Variants in OR5H1 observed in about 807,000 individuals in gnomAD.
OR5H1 encodes the protein olfactory receptor family 5 subfamily H member 1.
For missense variants in OR5H1, 378 were observed against 366.8 expected, an observed-to-expected ratio of 1.03 and a Z score of -0.25; for synonymous variants, 124 against 134.4, an observed-to-expected ratio of 0.92 and a Z score of 0.54.
chr3:98,132,712 T>C lies in OR5H1; in HGVS notation c.15T>C (p.Asn5=), dbSNP rs763388015. 1 of 1,612,662 alleles carries C rather than the reference T, an allele frequency of 6.2e-7. No homozygotes were observed. The highest frequency in any genetic ancestry group is 1.1e-5 in the South Asian group (1 of 90,950). The stretch of plus-strand genomic sequence containing the variant: ...GCTGTGAGGACATGGAAGAGGAAAA[T>C]GCAACATTGCTGACAGAGTTTGTTC... MEEE[N]ATLLTEFVLT... is the part of the protein sequence containing the mutation. The change falls in exon 2 of 2, where the codon AAT becomes AAC. Residue 5 remains asparagine, a synonymous_variant. Transcript: ENST00000641874.
At chr3:98,131,718 C>T (rs1303102623) in intron 1 of OR5H1, among the ~76,000 whole-genome samples, 1 of 151,992 alleles carries the variant, frequency 6.6e-6, no homozygotes, top group African/African-American at 2.4e-5. Context: ...TGAATCCAAG[C>T]AATCATTTCT....
chr3:98,131,732 G>A (rs1306233302), intron 1 of OR5H1, among the ~76,000 whole-genome samples: 2 of 151,672 alleles, frequency 1.3e-5, no homozygotes, highest in Non-Finnish European at 2.9e-5. Flanking sequence ...CATTTCTATT[G>A]AGCTCTAATA....
At chr3:98,132,538 A>G (rs1708267410) in intron 1 of OR5H1, 142 bp from the exon 2 acceptor site, 3 of 888,296 alleles carry the variant, frequency 3.4e-6, no homozygotes, top group Admixed American at 5.6e-5. Context: ...ATTGCAACAA[A>G]TAGAGATTCA....
chr3:98,131,104 G>A (rs1370414300), intron 1 of OR5H1, among the ~76,000 whole-genome samples: 2 of 151,708 alleles, frequency 1.3e-5, no homozygotes, highest in African/African-American at 4.8e-5. Context: ...TATAAATTAG[G>A]GCATTAAACA....
chr3:98,134,440 G>A lies in OR5H1; in HGVS notation c.*801G>A, dbSNP rs902403304. On this transcript the variant is annotated 3_prime_UTR_variant, in exon 2 of 2. Coordinates refer to ENST00000641874, the MANE Select transcript of OR5H1 (RefSeq NM_001005338.2). ...ATAAAAGAAAGAAAGTGGTCTTAAT[G>A]TTTTTATGATGAAGCTACCAAGATG... 6.6e-6 allele frequency: 1 copy of A among 152,024 alleles called. No individual in the cohort carries two copies. The highest frequency in any genetic ancestry group is 1.5e-5 in the Non-Finnish European group (1 of 67,956). 9.4% of individuals were successfully genotyped at this position (152,024 alleles called of 1,614,324 possible). A position where few individuals can be genotyped will look rare whatever the true frequency, so the allele number is the denominator to read the frequency against.
chr3:98,132,266 T>A (rs1427385109), intron 1 of OR5H1, among the ~76,000 whole-genome samples: 2 of 152,060 alleles, frequency 1.3e-5, no homozygotes, highest in East Asian at 1.9e-4. Context: ...ATTTCCCATC[T>A]TAAAATTTTT....
In OR5H1 at chr3:98,137,248, G is replaced by C. The variant is rs2107310260; in HGVS notation, c.*3609G>C. 6.6e-6 allele frequency: 1 copy of C among 152,270 alleles called. No individual in the cohort carries two copies. The highest frequency in any genetic ancestry group is 3.4e-3 in the Middle Eastern group (1 of 294). 9.4% of individuals were successfully genotyped at this position (152,270 alleles called of 1,614,324 possible). On this transcript the variant is annotated 3_prime_UTR_variant, in exon 2 of 2. Coordinates refer to ENST00000641874, the MANE Select transcript of OR5H1 (RefSeq NM_001005338.2). ...AAACGTATTAATTCTGTTTACAAAA[G>C]GTATACTTGGCCAGATTGTTTGCAA... is the stretch of plus-strand genomic sequence containing the variant.
rs921807833 is a variant in OR5H1 at position 98,135,000 on chromosome 3, A to G, written c.*1361A>G. 1.3e-5 allele frequency: 2 copies of G among 152,076 alleles called. No individual in the cohort carries two copies. Among genetic ancestry groups the G allele is most frequent in the Non-Finnish European group, 2.9e-5 (2 of 67,998 alleles). The allele number at this position is 152,076 out of a possible 1,614,324, so 9.4% of individuals were successfully genotyped here. A position where few individuals can be genotyped will look rare whatever the true frequency, so the allele number is the denominator to read the frequency against. The stretch of plus-strand genomic sequence containing the variant: ...TATATCTATATGTATACATATGCAT[A>G]TGTTTAGTTTTTCATATGTATACAT... On this transcript the variant is annotated 3_prime_UTR_variant, in exon 2 of 2. Coordinates refer to ENST00000641874, the MANE Select transcript of OR5H1 (RefSeq NM_001005338.2).
Position 98,131,871 on chromosome 3 carries a change from CACTGACCACTT to C in OR5H1, c.-18-804_-18-794del, listed in dbSNP as rs1467047994. 2.0e-5 allele frequency among the ~76,000 whole-genome samples: 3 copies of C among 152,042 alleles called. No homozygotes were observed. The East Asian group carries it at 5.8e-4, about 29-fold the overall frequency. Reference sequence around the variant, plus strand: ...GTCACCAAGGGACTCCTCTCTCCTTCACTGACCACTTACTGCCTACAAAATATGTCACAGAA... The same window carrying C: ...GTCACCAAGGGACTCCTCTCTCCTTCACTGCCTACAAAATATGTCACAGAA... On this transcript the variant is annotated intron_variant, in intron 1 of 1. Transcript: ENST00000641874.
At position 98,137,384 on chromosome 3, in the gene OR5H1, G is replaced by A. The variant is rs1426181976; in HGVS notation, c.*3745G>A. On this transcript the variant is annotated 3_prime_UTR_variant, in exon 2 of 2. Transcript: ENST00000641874. ...GATTAGACAGATACTTTGCATACAGGGATGTTTCCTTTATGTTATTTAGTG... is the reference window on the plus strand; with the variant it reads ...GATTAGACAGATACTTTGCATACAGAGATGTTTCCTTTATGTTATTTAGTG... 6 of 151,996 alleles carry A rather than the reference G, an allele frequency of 3.9e-5. No individual in the cohort carries two copies. The East Asian group carries it at 1.2e-3, about 29-fold the overall frequency. 9.4% of individuals were successfully genotyped at this position (151,996 alleles called of 1,614,324 possible).
In OR5H1 at chr3:98,135,410, TTTAA is replaced by T. The variant is rs1485649626; in HGVS notation, c.*1775_*1778del. 1 of 152,164 alleles carries T rather than the reference TTTAA, an allele frequency of 6.6e-6. No individual in the cohort carries two copies. The highest frequency in any genetic ancestry group is 1.5e-5 in the Non-Finnish European group (1 of 68,012). 9.4% of individuals were successfully genotyped at this position (152,164 alleles called of 1,614,324 possible). A position where few individuals can be genotyped will look rare whatever the true frequency, so the allele number is the denominator to read the frequency against. On this transcript the variant is annotated 3_prime_UTR_variant, in exon 2 of 2. Coordinates refer to ENST00000641874, the MANE Select transcript of OR5H1 (RefSeq NM_001005338.2). ...CCCACGTCAGCCTGATATACTTTTA[TTTAA>T]TTATTTTAACTCATTATGGTCAGCC...
chr3:98,132,146 G>T (rs1708264029), intron 1 of OR5H1, among the ~76,000 whole-genome samples: 1 of 151,896 alleles, frequency 6.6e-6, no homozygotes, highest in African/African-American at 2.4e-5. Context: ...ATTTGGGATT[G>T]CCTGGGCCTT....
chr3:98,133,828 A>G lies in OR5H1; in HGVS notation c.*189A>G, dbSNP rs1576097546. 5.6e-6 allele frequency: 3 copies of G among 540,280 alleles called. No individual in the cohort carries two copies. Among genetic ancestry groups the G allele is most frequent in the Non-Finnish European group, 9.9e-6 (3 of 303,298 alleles). The allele number at this position is 540,280 out of a possible 1,614,324, so 33.5% of individuals were successfully genotyped here. ...TCAAAAGCATTCAAGAAATTTTCATACTGTTCATAATAGAATAATGACTGT... is the reference window on the plus strand; with the variant it reads ...TCAAAAGCATTCAAGAAATTTTCATGCTGTTCATAATAGAATAATGACTGT... On this transcript the variant is annotated 3_prime_UTR_variant, in exon 2 of 2. Transcript: ENST00000641874.
Position 98,130,803 on chromosome 3 carries a change from A to G in OR5H1, c.-66A>G, listed in dbSNP as rs1233851769. The G allele has an allele frequency of 1.3e-5, 2 of 152,210 alleles. No individual in the cohort carries two copies. The highest frequency in any genetic ancestry group is 2.9e-5 in the Non-Finnish European group (2 of 68,030). 9.4% of individuals were successfully genotyped at this position (152,210 alleles called of 1,614,324 possible). A position where few individuals can be genotyped will look rare whatever the true frequency, so the allele number is the denominator to read the frequency against. On this transcript the variant is annotated 5_prime_UTR_variant, in exon 1 of 2. Transcript: ENST00000641874. ...TGCTACTGTATGTATTTTTGTTTAG[A>G]AAGCACAACGTGTTTAAAGGATATC...
At position 98,136,193 on chromosome 3, in the gene OR5H1, A is replaced by T. The variant is rs1487648134; in HGVS notation, c.*2554A>T. ...AATCAGGCCATTTCTTTCAAATGTA[A>T]TTATAGTAAGACTAATTTATTTACC... On this transcript the variant is annotated 3_prime_UTR_variant, in exon 2 of 2. Coordinates refer to ENST00000641874, the MANE Select transcript of OR5H1 (RefSeq NM_001005338.2). 2 of 152,182 alleles carry T rather than the reference A, an allele frequency of 1.3e-5. No homozygotes were observed. The highest frequency in any genetic ancestry group is 2.9e-5 in the Non-Finnish European group (2 of 68,032). The allele number at this position is 152,182 out of a possible 1,614,324, so 9.4% of individuals were successfully genotyped here. A position where few individuals can be genotyped will look rare whatever the true frequency, so the allele number is the denominator to read the frequency against.
At position 98,137,993 on chromosome 3, in the gene OR5H1, C is replaced by T. The variant is rs1175081073; in HGVS notation, c.*4354C>T. Reference sequence around the variant, plus strand: ...TTTCTTGTTAACTACATTTACAGCACGTTTATGTCAGTGTAGCAGGACGAG... The same window carrying T: ...TTTCTTGTTAACTACATTTACAGCATGTTTATGTCAGTGTAGCAGGACGAG... On this transcript the variant is annotated 3_prime_UTR_variant, in exon 2 of 2. Transcript: ENST00000641874. 6.6e-6 allele frequency: 1 copy of T among 152,070 alleles called. No homozygotes were observed. Among genetic ancestry groups the T allele is most frequent in the African/African-American group, 2.4e-5 (1 of 41,464 alleles). 9.4% of individuals were successfully genotyped at this position (152,070 alleles called of 1,614,324 possible). A position where few individuals can be genotyped will look rare whatever the true frequency, so the allele number is the denominator to read the frequency against.
Position 98,137,038 on chromosome 3 carries a change from T to C in OR5H1, c.*3399T>C, listed in dbSNP as rs1240279115. The C allele has an allele frequency of 6.6e-6, 1 of 152,202 alleles. No homozygotes were observed. Among genetic ancestry groups the C allele is most frequent in the East Asian group, 1.9e-4 (1 of 5,196 alleles). The allele number at this position is 152,202 out of a possible 1,614,324, so 9.4% of individuals were successfully genotyped here. ...AGTTTCTTAAAATTCTCCAGTCATA[T>C]CTAATTTTATGCACATTCTCCAATG... On this transcript the variant is annotated 3_prime_UTR_variant, in exon 2 of 2. Transcript: ENST00000641874.
Position 98,136,848 on chromosome 3 carries a change from C to T in OR5H1, c.*3209C>T, listed in dbSNP as rs1013922307. 1.1e-4 allele frequency: 16 copies of T among 152,188 alleles called. 1 individual carries two copies. Among genetic ancestry groups the T allele is most frequent in the African/African-American group, 3.9e-4 (16 of 41,458 alleles). The allele number at this position is 152,188 out of a possible 1,614,324, so 9.4% of individuals were successfully genotyped here. On this transcript the variant is annotated 3_prime_UTR_variant, in exon 2 of 2. Coordinates refer to ENST00000641874, the MANE Select transcript of OR5H1 (RefSeq NM_001005338.2). The stretch of plus-strand genomic sequence containing the variant: ...CTGTCATGAGTGAAGTAGGCTGAAG[C>T]TGTCATCAGAAGTGGACATTTAAGC...
Position 98,136,975 on chromosome 3 carries a change from TGAG to T in OR5H1, c.*3338_*3340del, listed in dbSNP as rs1708328459. 6.6e-6 allele frequency: 1 copy of T among 152,230 alleles called. No homozygotes were observed. The highest frequency in any genetic ancestry group is 2.4e-5 in the African/African-American group (1 of 41,454). 9.4% of individuals were successfully genotyped at this position (152,230 alleles called of 1,614,324 possible). A position where few individuals can be genotyped will look rare whatever the true frequency, so the allele number is the denominator to read the frequency against. On this transcript the variant is annotated 3_prime_UTR_variant, in exon 2 of 2. Transcript: ENST00000641874. ...TTCTTTATTGCAACACTAAATGGAATGAGGCAGGGCTTAATTGGATGCATAAAG... is the reference window on the plus strand; with the variant it reads ...TTCTTTATTGCAACACTAAATGGAATGCAGGGCTTAATTGGATGCATAAAG...
Sources: allele counts gnomAD v4.1 joint callset (sites outside exome capture counted in the v4.1 genomes callset), GRCh38; gene constraint gnomAD v4.1.1; transcripts MANE v1.5; gene names NCBI Gene and HGNC (gene_info 2026-07-23, HGNC 2026-07-21).